Variants in AFF3 observed in about 807,000 individuals in gnomAD.
AFF3 encodes the protein ALF transcription elongation factor 3.
In AFF3, 32 loss-of-function variants were observed where a neutral mutation model predicts 129.7. The observed-to-expected ratio is 0.25, with a 90% CI of 0.19 to 0.33. AFF3 has a LOEUF of 0.33. Ranked by LOEUF, AFF3 falls within the 10% of genes least tolerant of loss-of-function variation. The probability of loss-of-function intolerance (pLI) is 1.00; values close to 1 mark genes in which losing one functional copy is unlikely to be tolerated. For synonymous variants in AFF3, 644 were observed against 635.4 expected, an observed-to-expected ratio of 1.01 and a Z score of -0.20; for missense variants, 1,373 against 1,592.0, an observed-to-expected ratio of 0.86 and a Z score of 2.34.
chr2:99,675,307 C>A (rs2104491585), intron 11 of AFF3, among the ~76,000 whole-genome samples: 1 of 152,290 alleles, frequency 6.6e-6, no homozygotes, highest in Admixed American at 6.5e-5. Context: ...CATGGAAACA[C>A]AAACTCACAC....
At chr2:99,757,981 AC>A (rs1231691241) in intron 8 of AFF3, among the ~76,000 whole-genome samples, 2 of 152,028 alleles carry the variant, frequency 1.3e-5, no homozygotes, top group Non-Finnish European at 2.9e-5. Context: ...CCTGTGATGA[AC>A]CCCTCAAGGC....
At chr2:99,602,236 G>A (rs1446386976) in intron 13 of AFF3, among the ~76,000 whole-genome samples, 1 of 152,136 alleles carries the variant, frequency 6.6e-6, no homozygotes, top group Non-Finnish European at 1.5e-5. Flanking sequence ...CAGGTGCTGG[G>A]ATGTTGTTAT....
intron 7 of AFF3, among the ~76,000 whole-genome samples, chr2:99,932,335 T>C (rs1465614098): frequency 6.6e-6 from 1 of 152,216 alleles, no homozygotes; most frequent in Non-Finnish European, 1.5e-5. Context: ...ATAGATGGTG[T>C]GGCTCATTCT....
At chr2:99,693,733 C>G (rs532139375) in intron 11 of AFF3, among the ~76,000 whole-genome samples, 3 of 152,016 alleles carry the variant, frequency 2.0e-5, no homozygotes, top group Admixed American at 6.6e-5. Context: ...TCATTAAAAT[C>G]TTTTTTAAGG....
rs1421836534 is a variant in AFF3, at chr2:99,966,472, C to T, written c.873+40160G>A. ...TTGGGAGGCCGAGGCGGGCGGATCA[C>T]GAGGTCAGGAGATCGAGACCATCCC... is the stretch of plus-strand genomic sequence containing the variant. On this transcript the variant is annotated intron_variant, in intron 7 of 24. Coordinates refer to ENST00000672756, the MANE Select transcript of AFF3 (RefSeq NM_001386135.1). Among the ~76,000 whole-genome samples, 6 of 151,688 alleles carry T rather than the reference C, an allele frequency of 4.0e-5. No individual in the cohort carries two copies. The East Asian group carries it at 7.8e-4, about 20-fold the overall frequency.
chr2:99,581,672 C>T (rs1223798553), intron 17 of AFF3, among the ~76,000 whole-genome samples: 1 of 151,714 alleles, frequency 6.6e-6, no homozygotes, highest in Non-Finnish European at 1.5e-5. Context: ...GCATGTGCCA[C>T]CACGCTTGGC....
At chr2:99,803,966 A>C (rs1242983847) in intron 8 of AFF3, among the ~76,000 whole-genome samples, 1 of 152,202 alleles carries the variant, frequency 6.6e-6, no homozygotes, top group African/African-American at 2.4e-5. Context: ...TAAGAACTGA[A>C]ACCAGAAAAA....
chr2:99,649,272 T>C lies in AFF3; in HGVS notation c.1184+354A>G, dbSNP rs148278249. Among the ~76,000 whole-genome samples, 209 of 152,324 alleles carry C rather than the reference T, an allele frequency of 1.4e-3. 8 individuals carry two copies. In the East Asian group the frequency reaches 0.025, roughly 18 times the overall value. On this transcript the variant is annotated intron_variant, in intron 13 of 24. Coordinates refer to ENST00000672756, the MANE Select transcript of AFF3 (RefSeq NM_001386135.1). ...CCGGTGAAATGATATGGAAAAAGTC[T>C]GAAGAAAACATCTCAAAATAAATGA...
intron 19 of AFF3, among the ~76,000 whole-genome samples, chr2:99,566,005 G>C (rs1675927119): frequency 6.6e-6 from 1 of 152,212 alleles, no homozygotes; most frequent in Non-Finnish European, 1.5e-5. Context: ...TCCCATATAA[G>C]AGTTTTCATA....
chr2:99,822,452 T>C (rs1245260507), intron 8 of AFF3, among the ~76,000 whole-genome samples: 1 of 152,208 alleles, frequency 6.6e-6, no homozygotes, highest in Non-Finnish European at 1.5e-5. Flanking sequence ...TCAAATATTT[T>C]AGCCACTGCC....
chr2:99,952,646 A>T (rs1481174388), intron 7 of AFF3, among the ~76,000 whole-genome samples: 1 of 152,202 alleles, frequency 6.6e-6, no homozygotes, highest in Admixed American at 6.5e-5. Flanking sequence ...TTATATAAAA[A>T]TTATATTAAA....
At chr2:100,018,282 C>A (rs1248475148) in intron 4 of AFF3, among the ~76,000 whole-genome samples, 3 of 152,120 alleles carry the variant, frequency 2.0e-5, no homozygotes, top group Admixed American at 1.3e-4. Flanking sequence ...TATGACAGAG[C>A]TAGCACAGTT....
At chr2:99,579,985 T>A (rs1376597877) in intron 17 of AFF3, among the ~76,000 whole-genome samples, 1 of 152,236 alleles carries the variant, frequency 6.6e-6, no homozygotes. Context: ...TCTACTGTCA[T>A]AGAAGACCAG....
chr2:100,017,642 C>T (rs984904476), intron 4 of AFF3, among the ~76,000 whole-genome samples: 4 of 152,216 alleles, frequency 2.6e-5, no homozygotes, highest in African/African-American at 9.7e-5. Context: ...CCAGGCCCAT[C>T]TGGCCCATGT....
At position 99,594,294 on chromosome 2, in the gene AFF3, A is replaced by G. The variant is rs1679071098; in HGVS notation, c.1372-5T>C. 6.3e-7 allele frequency: 1 copy of G among 1,593,840 alleles called. No individual in the cohort carries two copies. The highest frequency in any genetic ancestry group is 8.6e-7 in the Non-Finnish European group (1 of 1,166,620). ...GTTAGAGGATGCCGGTTCAGCCTGA[A>G]AGCAGAAAACCGGTGACAAACAAAA... On this transcript the variant is annotated splice_region_variant and splice_polypyrimidine_tract_variant and intron_variant, in intron 14 of 24. Coordinates refer to ENST00000672756, the MANE Select transcript of AFF3 (RefSeq NM_001386135.1).
At chr2:99,795,172 T>TA (rs1201620690) in intron 8 of AFF3, among the ~76,000 whole-genome samples, 1 of 152,024 alleles carries the variant, frequency 6.6e-6, no homozygotes, top group Non-Finnish European at 1.5e-5. Flanking sequence ...AGTGTGCATA[T>TA]AAACACACAC....
At chr2:99,565,999 A>G (rs1319968930) in intron 19 of AFF3, among the ~76,000 whole-genome samples, 3 of 152,244 alleles carry the variant, frequency 2.0e-5, no homozygotes, top group African/African-American at 7.2e-5. Context: ...GTCTGGTCCC[A>G]TATAAGAGTT....
chr2:100,107,624 A>C (rs2105516645), intron 2 of AFF3: 1 of 532,044 alleles, frequency 1.9e-6, no homozygotes, highest in Non-Finnish European at 2.4e-6. Context: ...CACCCAGCTA[A>C]GGGGAGGGCT....
At chr2:99,823,703 C>T (rs1687859304) in intron 8 of AFF3, among the ~76,000 whole-genome samples, 1 of 152,198 alleles carries the variant, frequency 6.6e-6, no homozygotes, top group Admixed American at 6.5e-5. Flanking sequence ...AATCAGTCTC[C>T]ATGCCCTTCA....
Sources: allele counts gnomAD v4.1 joint callset (sites outside exome capture counted in the v4.1 genomes callset), GRCh38; gene constraint gnomAD v4.1.1; transcripts MANE v1.5; gene names NCBI Gene and HGNC (gene_info 2026-07-23, HGNC 2026-07-21).